The following POMT1 variants were observed in gnomAD, a reference collection of about 807,000 sequenced individuals.
POMT1 encodes protein O-mannosyl-transferase 1.
In POMT1, 85 loss-of-function variants were observed where a neutral mutation model predicts 101.6. The observed-to-expected ratio is 0.84, with a 90% CI of 0.70 to 1.00. The LOEUF (loss-of-function observed/expected upper bound fraction) is 1.00. POMT1 is among the 50% of genes least tolerant of loss of function. The pLI is 0.00. For synonymous variants in POMT1, 371 were observed against 383.0 expected (o/e 0.97, Z 0.37); for missense variants, 857 against 930.4 (o/e 0.92, Z 1.03).
rs949274811 is a variant in POMT1, at chr9:131,503,629, G to A, written c.-31+556G>A. ...GGAGCTCAAGGGAAGATGAAGCCTG[G>A]AGGAGAACGTGGGGGCGCAGGGTGC... is the stretch of plus-strand genomic sequence containing the variant. On this transcript the variant is annotated intron_variant, in intron 1 of 19. Coordinates refer to ENST00000402686, the MANE Select transcript of POMT1 (RefSeq NM_001077365.2). This position sits in a 1 kb window ranked among gnomAD's most constrained non-coding sequence, Gnocchi z 4.4. Among the ~76,000 whole-genome samples, 1 of 152,220 alleles carries A rather than the reference G, an allele frequency of 6.6e-6. No individual in the cohort carries two copies. Among genetic ancestry groups the A allele is most frequent in the African/African-American group, 2.4e-5 (1 of 41,470 alleles).
chr9:131,509,119 G>A, intron 6 of POMT1, 97 bp downstream of exon 6: 1 of 865,236 alleles, frequency 1.2e-6, no homozygotes, highest in Non-Finnish European at 1.9e-6. Flanking sequence ...GTTTCGTTTT[G>A]TGAGACAGTA....
At position 131,522,199 on chromosome 9, in the gene POMT1, C is replaced by T; in HGVS notation, c.1978C>T (p.Gln660Ter). 2 of 1,613,926 alleles carry T rather than the reference C, an allele frequency of 1.2e-6. No individual in the cohort carries two copies. The highest frequency in any genetic ancestry group is 1.7e-6 in the Non-Finnish European group (2 of 1,180,032). Reference protein sequence around the residue: ...FQILLLPVVLQHISDHLCRSQ... With the variant: ...FQILLLPVVL ...AATCCTTCTGCTCCCTGTGGTCCTGCAGCACATCAGCGACCACCTGTGCAG... is the reference window on the plus strand; with the variant it reads ...AATCCTTCTGCTCCCTGTGGTCCTGTAGCACATCAGCGACCACCTGTGCAG... Residue 660 changes from glutamine to a stop codon, truncating the protein, a stop_gained, in exon 19 of 20, where the codon CAG becomes TAG. Coordinates refer to ENST00000402686, the MANE Select transcript of POMT1 (RefSeq NM_001077365.2). LOFTEE classifies it high-confidence loss of function. The surrounding 1 kb of genome is among the most constrained non-coding windows in gnomAD (Gnocchi z 5.5).
rs780382988 is a variant in POMT1 at position 131,504,189 on chromosome 9, G to A, written c.-30G>A. On this transcript the variant is annotated splice_region_variant and 5_prime_UTR_variant, in exon 2 of 20. Transcript: ENST00000402686. ...CCACGGCTCCTCCCTTCTTTTCTAG[G>A]GCGTCTGCCTGAGCCCGCTTTTCTA... 15 of 1,613,826 alleles carry A rather than the reference G, an allele frequency of 9.3e-6. No homozygotes were observed. Among genetic ancestry groups the A allele is most frequent in the Non-Finnish European group, 1.3e-5 (15 of 1,179,936 alleles).
chr9:131,504,014 T>TA (rs1945164174), intron 1 of POMT1, among the ~76,000 whole-genome samples, 175 bp from the exon 2 acceptor site: 1 of 152,224 alleles, frequency 6.6e-6, no homozygotes, highest in African/African-American at 2.4e-5. Flanking sequence ...AGTTCACTGC[T>TA]AGTGCCCCTC....
intron 10 of POMT1, chr9:131,511,840 G>A (rs1947178017): frequency 3.2e-6 from 2 of 629,590 alleles, no homozygotes; most frequent in East Asian, 2.8e-5. Context: ...GGGCCCGATC[G>A]ATGACCCACT....
intron 12 of POMT1, among the ~76,000 whole-genome samples, chr9:131,515,183 C>T (rs1948038700): frequency 6.6e-6 from 1 of 152,212 alleles, no homozygotes; most frequent in Non-Finnish European, 1.5e-5. Context: ...GAAGGTTCCA[C>T]AGCAGAGTGT....
intron 11 of POMT1, 83 bp downstream of exon 11, chr9:131,512,219 C>A (rs1301617302): frequency 1.3e-6 from 2 of 1,559,976 alleles, no homozygotes; most frequent in East Asian, 2.3e-5. Flanking sequence ...TCCTGGGCCC[C>A]CTTCTTTCCC....
At chr9:131,508,366 A>G (rs1051411856) in intron 5 of POMT1, among the ~76,000 whole-genome samples, 19 of 151,904 alleles carry the variant, frequency 1.3e-4, no homozygotes, top group Non-Finnish European at 2.6e-4. Context: ...CCCCATCTCT[A>G]CTAAAAATAC....
At position 131,518,901 on chromosome 9, in the gene POMT1, C is replaced by G. The variant is rs1333644044; in HGVS notation, c.1430C>G (p.Ser477Cys). The change falls in exon 15 of 20, where the codon TCC (serine) becomes TGC (cysteine). Residue 477 changes from serine to cysteine, a missense_variant. By Grantham distance (112) the Ser-to-Cys change is moderately radical. Coordinates refer to ENST00000402686, the MANE Select transcript of POMT1 (RefSeq NM_001077365.2). Reference sequence around the variant, plus strand: ...CTGGAGATCGTCGGGGAGAAGCTGTCCCGGGGCTACCACGGGAGCACGGTG... The same window carrying G: ...CTGGAGATCGTCGGGGAGAAGCTGTGCCGGGGCTACCACGGGAGCACGGTG... ...RQLEIVGEKLSRGYHGSTVWN... is the reference protein window; with the variant it reads ...RQLEIVGEKLCRGYHGSTVWN... The G allele has an allele frequency of 6.2e-7, 1 of 1,613,864 alleles. No individual in the cohort carries two copies. Among genetic ancestry groups the G allele is most frequent in the Non-Finnish European group, 8.5e-7 (1 of 1,180,042 alleles).
Position 131,513,250 on chromosome 9 carries a change from T to G in POMT1, c.1094T>G (p.Val365Gly), listed in dbSNP as rs1251343700. ...ACTGTGTCTTCCAGGCACCAGCTGG[T>G]GGTGAGCAGCCCTCCGAGACCTGTG... ...IVKDPRRHQL[V>G]VSSPPRPVRH... The change falls in exon 12 of 20, where the codon GTG (valine) becomes GGG (glycine). Residue 365 changes from valine (V) to glycine (G), a missense_variant. Physicochemically the swap from Val to Gly is moderately radical, Grantham distance 109 (BLOSUM62 -3). Transcript: ENST00000402686. 1 of 1,612,676 alleles carries G rather than the reference T, an allele frequency of 6.2e-7. No individual in the cohort carries two copies. The highest frequency in any genetic ancestry group is 8.5e-7 in the Non-Finnish European group (1 of 1,179,934).
chr9:131,518,628 C>T (rs543589595), intron 14 of POMT1, 91 bp downstream of exon 14: 25 of 1,418,486 alleles, frequency 1.8e-5, no homozygotes, highest in African/African-American at 4.2e-5. Flanking sequence ...TCTCTGCAGG[C>T]GGAACGCTTC....
chr9:131,510,807 C>T (rs1946959374), intron 9 of POMT1: 1 of 342,376 alleles, frequency 2.9e-6, no homozygotes, highest in Non-Finnish European at 5.7e-6. Context: ...CGCCTGGCAG[C>T]TGGGAGCATT....
chr9:131,507,539 C>G lies in POMT1; in HGVS notation c.427+25C>G, dbSNP rs1443663144. ...GGTAAGACCTGCGCCCCTGCCTGCT[C>G]TTGCTGTCATGCAGGGAAGAACTGA... On this transcript the variant is annotated intron_variant, in intron 5 of 19. Coordinates refer to ENST00000402686, the MANE Select transcript of POMT1 (RefSeq NM_001077365.2). 9.3e-6 allele frequency: 15 copies of G among 1,613,558 alleles called. No individual in the cohort carries two copies. In the East Asian group the frequency reaches 3.3e-4, roughly 36 times the overall value.
At position 131,508,958 on chromosome 9, in the gene POMT1, T is replaced by C. The variant is rs1263867444; in HGVS notation, c.475T>C (p.Leu159=). 1 of 1,614,080 alleles carries C rather than the reference T, an allele frequency of 6.2e-7. No individual in the cohort carries two copies. The highest frequency in any genetic ancestry group is 1.1e-5 in the South Asian group (1 of 91,080). The stretch of plus-strand genomic sequence containing the variant: ...AAGGCTAATGCTTTTGGAATCAGTG[T>C]TAATATTTTTCAATCTATTGGCCGT... ...QSRLMLLESV[L]IFFNLLAVLS... is the part of the protein sequence containing the mutation. Residue 159 remains leucine, a synonymous_variant, in exon 6 of 20, where the codon TTA becomes CTA. Transcript: ENST00000402686.
intron 17 of POMT1, among the ~76,000 whole-genome samples, chr9:131,520,579 AGT>A (rs1554782209): frequency 2.0e-5 from 3 of 152,364 alleles, no homozygotes; most frequent in Non-Finnish European, 4.4e-5. Flanking sequence ...CCGGGCGCAC[AGT>A]CAGCGCCCCA....
In POMT1 at chr9:131,507,378, C is replaced by T. The variant is rs780884926; in HGVS notation, c.291C>T (p.Ser97=). The T allele has an allele frequency of 6.2e-6, 10 of 1,614,044 alleles. No homozygotes were observed. In the African/African-American group the frequency reaches 8.0e-5, roughly 13 times the overall value. ...TGGTTGCTTTTCCAGAATACAGTAG[C>T]AACGTGCCTGTGTGGTCCCTGCGCC... ...LWNRIGAEYS[S]NVPVWSLRLL... The change falls in exon 5 of 20, where the codon AGC becomes AGT. Residue 97 remains serine (S), a synonymous_variant. Transcript: ENST00000402686.
rs1950309452 is a variant in POMT1 at position 131,523,159 on chromosome 9, G to GT, written c.*54dup. On this transcript the variant is annotated 3_prime_UTR_variant, in exon 20 of 20. Transcript: ENST00000402686. ...GCTGGGGTCGGGATGAGGTTGAAGG[G>GT]TCTTGGTCAATGTACGTAATGAGCA... 6.3e-7 allele frequency: 1 copy of GT among 1,585,820 alleles called. No individual in the cohort carries two copies. The highest frequency in any genetic ancestry group is 8.6e-7 in the Non-Finnish European group (1 of 1,168,292).
At position 131,505,845 on chromosome 9, in the gene POMT1, T is replaced by G. The variant is rs976207403; in HGVS notation, c.123-269T>G. Among the ~76,000 whole-genome samples, 63 of 152,126 alleles carry G rather than the reference T, an allele frequency of 4.1e-4. 2 individuals carry two copies. The highest frequency in any genetic ancestry group is 4.1e-3 in the Admixed American group (63 of 15,268). On this transcript the variant is annotated intron_variant, in intron 2 of 19. Coordinates refer to ENST00000402686, the MANE Select transcript of POMT1 (RefSeq NM_001077365.2). The stretch of plus-strand genomic sequence containing the variant: ...AGCAGGTTGGCTCATAGTATCCACC[T>G]AAATCAAACACAAGGGAGAGACAGA...
At position 131,519,442 on chromosome 9, in the gene POMT1, G is replaced by C; in HGVS notation, c.1540G>C (p.Val514Leu). 6.4e-7 allele frequency: 1 copy of C among 1,551,596 alleles called. No individual in the cohort carries two copies. The highest frequency in any genetic ancestry group is 8.7e-7 in the Non-Finnish European group (1 of 1,147,136). Residue 514 changes from valine to leucine, a missense_variant, in exon 16 of 20, where the codon GTC becomes CTC. Coordinates refer to ENST00000402686, the MANE Select transcript of POMT1 (RefSeq NM_001077365.2). The surrounding 1 kb of genome is among the most constrained non-coding windows in gnomAD (Gnocchi z 4.3). ...RELHSPAQVD[V>L]SRNLSFMARF... is the part of the protein sequence containing the mutation. Reference sequence around the variant, plus strand: ...GCTGCACTCACCTGCGCAGGTGGACGTCAGCAGGAACCTCAGCTTCATGGC... The same window carrying C: ...GCTGCACTCACCTGCGCAGGTGGACCTCAGCAGGAACCTCAGCTTCATGGC...
Sources: gnomAD v4.1 joint callset for allele counts (sites outside exome capture counted in the v4.1 genomes callset) on GRCh38, gnomAD v4.1.1 for gene constraint, Gnocchi (gnomAD v3.1) non-coding constraint, MANE v1.5 for transcripts, NCBI Gene and HGNC (gene_info 2026-07-23, HGNC 2026-07-21) for gene names.